Variants in PJA2 observed in about 807,000 individuals in gnomAD.
PJA2 encodes the protein praja ring finger ubiquitin ligase 2.
A neutral mutation model predicts 69.3 loss-of-function variants in PJA2; 25 were observed. The ratio of observed to expected loss-of-function variants is 0.36; its 90% CI spans 0.26 to 0.50. PJA2 has a LOEUF of 0.50. Ranked by LOEUF, PJA2 falls within the 20% of genes least tolerant of loss-of-function variation. The pLI, the probability that PJA2 is intolerant of heterozygous loss-of-function variation, is 0.96. For synonymous variants in PJA2, 308 were observed against 277.8 expected, an observed-to-expected ratio of 1.11 and a Z score of -1.08; for missense variants, 809 against 830.2, an observed-to-expected ratio of 0.97 and a Z score of 0.31.
At chr5:109,353,278 CAT>C (rs1344181366) in intron 7 of PJA2, among the ~76,000 whole-genome samples, 1 of 130,142 alleles carries the variant, frequency 7.7e-6, no homozygotes, top group South Asian at 2.4e-4. Context: ...CCTATAATAT[CAT>C]AGACATCTAT....
chr5:109,394,306 T>C (rs1747355009), intron 1 of PJA2, among the ~76,000 whole-genome samples: 1 of 151,726 alleles, frequency 6.6e-6, no homozygotes, highest in East Asian at 1.9e-4. Context: ...CCTCCGCCTC[T>C]CAAAGTGCTG....
chr5:109,368,942 T>C (rs1435665195), intron 4 of PJA2, among the ~76,000 whole-genome samples, 196 bp from the exon 5 acceptor site: 1 of 152,118 alleles, frequency 6.6e-6, no homozygotes, highest in East Asian at 1.9e-4. Context: ...AGTTTAGCAT[T>C]ATCCCCTTGG....
At chr5:109,373,366 G>A (rs1762709227) in intron 4 of PJA2, among the ~76,000 whole-genome samples, 1 of 151,840 alleles carries the variant, frequency 6.6e-6, no homozygotes, top group African/African-American at 2.4e-5. Flanking sequence ...AGAATGAGAG[G>A]GGCTACCTCT....
chr5:109,339,744 A>G (rs920074291), intron 9 of PJA2, among the ~76,000 whole-genome samples: 9 of 152,234 alleles, frequency 5.9e-5, no homozygotes, highest in African/African-American at 2.2e-4. Context: ...GTTTACCATT[A>G]CTTTTCCTAT....
chr5:109,344,886 G>C (rs372891357), intron 7 of PJA2, 67 bp from the exon 8 acceptor site: 1 of 1,005,656 alleles, frequency 9.9e-7, no homozygotes, highest in Non-Finnish European at 1.5e-6. Context: ...ACTATTTTTA[G>C]GGTATCTCCA....
chr5:109,356,108 T>C (rs1203020804), intron 6 of PJA2, 82 bp from the exon 7 acceptor site: 2 of 853,746 alleles, frequency 2.3e-6, no homozygotes, highest in South Asian at 1.5e-5. Flanking sequence ...TATATTAGCA[T>C]ACTGACAAGC....
chr5:109,378,971 G>T lies in PJA2; in HGVS notation c.516C>A (p.Gly172=). 6.2e-7 allele frequency: 1 copy of T among 1,614,056 alleles called. No individual in the cohort carries two copies. The highest frequency in any genetic ancestry group is 1.3e-5 in the African/African-American group (1 of 74,988). ...LVHTDSYDPD[G]KHGEDNDHLQ... ...GATGGTCATTATCTTCTCCATGTTTGCCATCTGGATCATAAGAGTCTGTAT... is the reference window on the plus strand; with the variant it reads ...GATGGTCATTATCTTCTCCATGTTTTCCATCTGGATCATAAGAGTCTGTAT... The change falls in exon 4 of 10, where the codon GGC becomes GGA. Residue 172 remains glycine, a synonymous_variant. Transcript: ENST00000361189.
At chr5:109,399,714 T>A (rs76309254) in intron 1 of PJA2, among the ~76,000 whole-genome samples, 1 of 151,964 alleles carries the variant, frequency 6.6e-6, no homozygotes, top group African/African-American at 2.4e-5. Context: ...AGTCAAAAAT[T>A]ACAAGACAAA....
In PJA2 at chr5:109,356,031, A is replaced by C. The variant is rs76818418; in HGVS notation, c.1653-5T>G. On this transcript the variant is annotated splice_polypyrimidine_tract_variant and splice_region_variant and intron_variant, in intron 6 of 9. Transcript: ENST00000361189. ...TCTGCAAAGCCATCAAATAGGCTGA[A>C]AAAAAAAAAAAATAACAGAAAAAAC... 1.4e-6 allele frequency: 2 copies of C among 1,422,348 alleles called. No homozygotes were observed. The highest frequency in any genetic ancestry group is 1.9e-6 in the Non-Finnish European group (2 of 1,076,962). The allele number at this position is 1,422,348 out of a possible 1,614,324, so 88.1% of individuals were successfully genotyped here. A position where few individuals can be genotyped will look rare whatever the true frequency, so the allele number is the denominator to read the frequency against.
At chr5:109,377,806 TG>T (rs1342885083) in intron 4 of PJA2, among the ~76,000 whole-genome samples, 1 of 152,210 alleles carries the variant, frequency 6.6e-6, no homozygotes, top group African/African-American at 2.4e-5. Flanking sequence ...TAGTCACTAC[TG>T]GCAATGTTAA....
At chr5:109,344,590 A>T (rs752477407) in intron 8 of PJA2, 115 bp downstream of exon 8, 4 of 760,546 alleles carry the variant, frequency 5.3e-6, no homozygotes, top group South Asian at 2.6e-5. Context: ...TGGTTTCTAT[A>T]AAAAAAATCT....
chr5:109,343,559 C>T (rs1284384641), intron 9 of PJA2, among the ~76,000 whole-genome samples: 1 of 151,952 alleles, frequency 6.6e-6, no homozygotes, highest in African/African-American at 2.4e-5. Flanking sequence ...TTTGAAAACA[C>T]CAAATTTCAG....
intron 7 of PJA2, among the ~76,000 whole-genome samples, chr5:109,345,924 G>T (rs958468213): frequency 6.6e-6 from 1 of 152,168 alleles, no homozygotes; most frequent in Non-Finnish European, 1.5e-5. Flanking sequence ...ATCCTTTCTG[G>T]CTCTAATTAG....
intron 1 of PJA2, among the ~76,000 whole-genome samples, chr5:109,400,062 G>C (rs907283756): frequency 3.3e-5 from 5 of 152,100 alleles, no homozygotes; most frequent in Non-Finnish European, 7.4e-5. Context: ...GGCCAAGATG[G>C]GTGGATCACT....
intron 1 of PJA2, among the ~76,000 whole-genome samples, chr5:109,397,345 T>A (rs919536285): frequency 1.3e-5 from 2 of 152,190 alleles, no homozygotes; most frequent in African/African-American, 4.8e-5. Context: ...TAAACAGCTA[T>A]AAAAAGTTAA....
intron 4 of PJA2, among the ~76,000 whole-genome samples, chr5:109,375,733 A>C (rs1031473435): frequency 1.3e-5 from 2 of 152,160 alleles, no homozygotes; most frequent in Non-Finnish European, 2.9e-5. Context: ...CCATCTCTCC[A>C]ATCTACAAAT....
At chr5:109,354,351 G>A (rs62638611) in intron 7 of PJA2, among the ~76,000 whole-genome samples, 13,340 of 62,258 alleles carry the variant, frequency 0.21, 921 homozygotes, top group Non-Finnish European at 0.29. Flanking sequence ...TCTATAGATT[G>A]GATATCTATA....
chr5:109,337,357 C>A lies in PJA2; in HGVS notation c.2002-1G>T. 1 of 1,585,712 alleles carries A rather than the reference C, an allele frequency of 6.3e-7. No homozygotes were observed. Among genetic ancestry groups the A allele is most frequent in the African/African-American group, 1.4e-5 (1 of 72,720 alleles). ...GGCGGCACACAGGGCATGTTCCCGACTGGAGAAAAAAAAAATGTTAAGAGC... is the reference window on the plus strand; with the variant it reads ...GGCGGCACACAGGGCATGTTCCCGAATGGAGAAAAAAAAAATGTTAAGAGC... On this transcript the variant is annotated splice_acceptor_variant, in intron 9 of 9. Transcript: ENST00000361189. LOFTEE classifies it high-confidence loss of function.
At chr5:109,383,359 A>G in intron 2 of PJA2, 44 bp downstream of exon 2, 1 of 1,593,140 alleles carries the variant, frequency 6.3e-7, no homozygotes, top group Non-Finnish European at 8.6e-7. Context: ...TACCCAGAGG[A>G]AAAAACAAGA....
Sources: gnomAD v4.1 joint callset for allele counts (sites outside exome capture counted in the v4.1 genomes callset) on GRCh38, gnomAD v4.1.1 for gene constraint, MANE v1.5 for transcripts, NCBI Gene and HGNC (gene_info 2026-07-23, HGNC 2026-07-21) for gene names.